ZNF207: variants seen among roughly 807,000 people sequenced by gnomAD.
The protein encoded by ZNF207 is BUB3-interacting and GLEBS motif-containing protein ZNF207.
Under a neutral mutation model 60.2 loss-of-function variants are expected in ZNF207, and 24 were observed. The observed-to-expected ratio is 0.40, with a 90% CI of 0.29 to 0.56. The LOEUF (loss-of-function observed/expected upper bound fraction) is 0.56, where lower values mean the gene tolerates loss of function less well. Ranked by LOEUF, ZNF207 falls within the 20% of genes least tolerant of loss-of-function variation. The pLI, the probability that ZNF207 is intolerant of heterozygous loss-of-function variation, is 0.49. For missense variants in ZNF207, 452 were observed against 636.6 expected, an observed-to-expected ratio of 0.71 and a Z score of 3.12; for synonymous variants, 236 against 194.7, an observed-to-expected ratio of 1.21 and a Z score of -1.77.
intron 2 of ZNF207, among the ~76,000 whole-genome samples, chr17:32,356,249 A>G (rs572089788): frequency 5.4e-4 from 83 of 152,324 alleles, no homozygotes; most frequent in African/African-American, 1.9e-3. Context: ...TTCTGGCTGT[A>G]CCATAATAGA....
At chr17:32,357,351 ATTTT>A (rs1164011891) in intron 2 of ZNF207, among the ~76,000 whole-genome samples, 17 of 74,028 alleles carry the variant, frequency 2.3e-4, no homozygotes, top group African/African-American at 4.5e-4. Context: ...TATTATTATT[ATTTT>A]TTTTTTTTTT....
Position 32,378,539 on chromosome 17 carries a change from G to A in ZNF207, c.*8780G>A, listed in dbSNP as rs1905761741. ...GTAAACTATAACGTATCCCGTTGGT[G>A]TACCAGTGAGTTCATTTTACTGTAA... On this transcript the variant is annotated 3_prime_UTR_variant, in exon 12 of 12. Coordinates refer to ENST00000394670, the MANE Select transcript of ZNF207 (RefSeq NM_001098507.2). 6.6e-6 allele frequency: 1 copy of A among 151,884 alleles called. No individual in the cohort carries two copies. The highest frequency in any genetic ancestry group is 2.4e-5 in the African/African-American group (1 of 41,372). The allele number at this position is 151,884 out of a possible 1,614,324, so 9.4% of individuals were successfully genotyped here. A position where few individuals can be genotyped will look rare whatever the true frequency, so the allele number is the denominator to read the frequency against.
chr17:32,363,994 A>G (rs1039219591), intron 7 of ZNF207, among the ~76,000 whole-genome samples: 3 of 151,646 alleles, frequency 2.0e-5, no homozygotes, highest in Admixed American at 1.3e-4. Flanking sequence ...CAGCTCAGAC[A>G]AGAAGGGGTG....
At chr17:32,366,388 A>G (rs1043475420) in intron 8 of ZNF207, among the ~76,000 whole-genome samples, 14 of 152,230 alleles carry the variant, frequency 9.2e-5, no homozygotes, top group African/African-American at 3.4e-4. Context: ...CGTTATTCTC[A>G]GTTTCAGGTA....
intron 11 of ZNF207, 59 bp from the exon 12 acceptor site, chr17:32,369,540 A>G (rs1316544046): frequency 6.3e-7 from 1 of 1,587,304 alleles, no homozygotes; most frequent in Non-Finnish European, 8.6e-7. Context: ...CATACGTTGC[A>G]CTTAAAAGTA....
rs1373233336 is a variant in ZNF207, at chr17:32,369,776, C to G, written c.*17C>G. Reference sequence around the variant, plus strand: ...CGTTACTGATCTTACTTCATCCAGTCTAATAGGTTTGGAGATTAAACCTTT... The same window carrying G: ...CGTTACTGATCTTACTTCATCCAGTGTAATAGGTTTGGAGATTAAACCTTT... On this transcript the variant is annotated 3_prime_UTR_variant, in exon 12 of 12. Coordinates refer to ENST00000394670, the MANE Select transcript of ZNF207 (RefSeq NM_001098507.2). 3 of 1,489,462 alleles carry G rather than the reference C, an allele frequency of 2.0e-6. No homozygotes were observed. The highest frequency in any genetic ancestry group is 4.7e-5 in the East Asian group (2 of 42,598). The allele number at this position is 1,489,462 out of a possible 1,614,324, so 92.3% of individuals were successfully genotyped here. A position where few individuals can be genotyped will look rare whatever the true frequency, so the allele number is the denominator to read the frequency against.
chr17:32,360,548 TAAAC>T, intron 3 of ZNF207, 46 bp from the exon 4 acceptor site: 1 of 1,511,072 alleles, frequency 6.6e-7, no homozygotes, highest in Non-Finnish European at 8.9e-7. Context: ...ATGTTGTAAA[TAAAC>T]TTTCTTAGTT....
intron 9 of ZNF207, 37 bp downstream of exon 9, chr17:32,366,794 G>T (rs552808723): frequency 1.3e-6 from 2 of 1,553,840 alleles, no homozygotes; most frequent in East Asian, 2.3e-5. Context: ...TGTTAAAATG[G>T]CTTTATAACT....
At chr17:32,367,670 G>T in intron 9 of ZNF207, 102 bp from the exon 10 acceptor site, 4 of 1,414,560 alleles carry the variant, frequency 2.8e-6, no homozygotes, top group Admixed American at 4.6e-5. Flanking sequence ...TTTAAAGTTT[G>T]GTCCTTTATT....
chr17:32,360,130 G>A (rs1346489494), intron 3 of ZNF207, among the ~76,000 whole-genome samples: 1 of 149,512 alleles, frequency 6.7e-6, no homozygotes, highest in African/African-American at 2.5e-5. Flanking sequence ...TTAGGTAGCT[G>A]AGGCCGTAGG....
At chr17:32,361,749 A>G (rs946316051) in intron 6 of ZNF207, among the ~76,000 whole-genome samples, 8 of 152,204 alleles carry the variant, frequency 5.3e-5, no homozygotes, top group African/African-American at 1.4e-4. Context: ...TCTCCAAACT[A>G]TTGAAAGTAA....
chr17:32,360,481 T>G, intron 3 of ZNF207, 117 bp from the exon 4 acceptor site: 2 of 999,692 alleles, frequency 2.0e-6, no homozygotes, highest in Non-Finnish European at 1.4e-6. Flanking sequence ...ATTGAATTTT[T>G]GGGGAAGAAA....
In ZNF207 at chr17:32,360,668, A is replaced by G. The variant is rs769964279; in HGVS notation, c.378A>G (p.Ser126=). The G allele has an allele frequency of 2.2e-5, 36 of 1,613,924 alleles. No homozygotes were observed. The Admixed American group carries it at 4.7e-4, about 21-fold the overall frequency. ...ATGACGACTCTGCAGCCTCAACTTC[A>G]TTTCAGCCACAGCCTGTTCAACCTC... ...YDDDDSAAST[S]FQPQPVQPQQ... Residue 126 remains serine (S), a synonymous_variant, in exon 4 of 12, where the codon TCA becomes TCG. Coordinates refer to ENST00000394670, the MANE Select transcript of ZNF207 (RefSeq NM_001098507.2).
Position 32,374,871 on chromosome 17 carries a change from GTTTT to G in ZNF207, c.*5113_*5116del, listed in dbSNP as rs1379954582. The G allele has an allele frequency of 3.3e-5, 5 of 152,318 alleles. No individual in the cohort carries two copies. The East Asian group carries it at 9.6e-4, about 29-fold the overall frequency. The allele number at this position is 152,318 out of a possible 1,614,324, so 9.4% of individuals were successfully genotyped here. On this transcript the variant is annotated 3_prime_UTR_variant, in exon 12 of 12. Coordinates refer to ENST00000394670, the MANE Select transcript of ZNF207 (RefSeq NM_001098507.2). ...TTCATTTTCAGCCTCACTGAACAGT[GTTTT>G]ACGCACATGTGAAAAGTATCCACAT...
Position 32,354,397 on chromosome 17 carries a change from G to A in ZNF207, c.168+2485G>A, listed in dbSNP as rs368142837. On this transcript the variant is annotated intron_variant, in intron 2 of 11. Coordinates refer to ENST00000394670, the MANE Select transcript of ZNF207 (RefSeq NM_001098507.2). ...CTGTCTTGTGCTCACTGCAGCCTCCGCCTCCTGGGCTTAAGTGATTCTTGT... is the reference window on the plus strand; with the variant it reads ...CTGTCTTGTGCTCACTGCAGCCTCCACCTCCTGGGCTTAAGTGATTCTTGT... 1.3e-4 allele frequency among the ~76,000 whole-genome samples: 20 copies of A among 152,024 alleles called. No homozygotes were observed. The East Asian group carries it at 3.1e-3, about 23-fold the overall frequency.
rs984529550 is a variant in ZNF207 at position 32,369,938 on chromosome 17, G to T, written c.*179G>T. Reference sequence around the variant, plus strand: ...GGGAAAAATTATTTGGAATAATAAAGCAGGAACTTTTCCTGAAGTTGCAAT... The same window carrying T: ...GGGAAAAATTATTTGGAATAATAAATCAGGAACTTTTCCTGAAGTTGCAAT... On this transcript the variant is annotated 3_prime_UTR_variant, in exon 12 of 12. Transcript: ENST00000394670. 1.3e-5 allele frequency: 9 copies of T among 712,552 alleles called. No individual in the cohort carries two copies. The highest frequency in any genetic ancestry group is 1.6e-5 in the Non-Finnish European group (8 of 512,256). 44.1% of individuals were successfully genotyped at this position (712,552 alleles called of 1,614,324 possible). A position where few individuals can be genotyped will look rare whatever the true frequency, so the allele number is the denominator to read the frequency against.
rs1422433840 is a variant in ZNF207 at position 32,350,291 on chromosome 17, T to A, written c.6T>A (p.Gly2=). 3.1e-6 allele frequency: 5 copies of A among 1,613,982 alleles called. No individual in the cohort carries two copies. The highest frequency in any genetic ancestry group is 4.2e-6 in the Non-Finnish European group (5 of 1,180,036). Residue 2 remains glycine, a synonymous_variant, in exon 1 of 12, where the codon GGT becomes GGA. Coordinates refer to ENST00000394670, the MANE Select transcript of ZNF207 (RefSeq NM_001098507.2). ...TTTGCCGGTAGAACACAGTTATGGG[T>A]CGCAAGAAGAAGAAGCAGCTGAAGC... M[G]RKKKKQLKPW...
rs565030433 is a variant in ZNF207, at chr17:32,358,361, CAG to C, written c.169-139_169-138del. The C allele has an allele frequency of 2.3e-4, 140 of 606,158 alleles. No individual in the cohort carries two copies. The South Asian group carries it at 4.8e-3, about 21-fold the overall frequency. 37.5% of individuals were successfully genotyped at this position (606,158 alleles called of 1,614,324 possible). On this transcript the variant is annotated intron_variant, in intron 2 of 11. Coordinates refer to ENST00000394670, the MANE Select transcript of ZNF207 (RefSeq NM_001098507.2). ...AAGTTCACTGACATGCTTAATGTCACAGAGCTAGTGAATGGCAAAACTGGGAA... is the reference window on the plus strand; with the variant it reads ...AAGTTCACTGACATGCTTAATGTCACAGCTAGTGAATGGCAAAACTGGGAA...
At chr17:32,361,821 TATTATTATAGGATGTA>T (rs1451413569) in intron 6 of ZNF207, among the ~76,000 whole-genome samples, 4 of 152,224 alleles carry the variant, frequency 2.6e-5, no homozygotes, top group African/African-American at 4.8e-5. Context: ...TTACATGCTT[TATTATTATAGGATGTA>T]ATGGAATTTT....
Sources: gnomAD v4.1 joint callset for allele counts (sites outside exome capture counted in the v4.1 genomes callset) on GRCh38, gnomAD v4.1.1 for gene constraint, MANE v1.5 for transcripts, NCBI Gene and HGNC (gene_info 2026-07-23, HGNC 2026-07-21) for gene names.